FSTL4: variants seen among roughly 807,000 people sequenced by gnomAD.
The protein encoded by FSTL4 is follistatin like 4.
FSTL4 carries 28 observed loss-of-function variants against 78.2 expected under a neutral mutation model. The ratio of observed to expected loss-of-function variants is 0.36; its 90% CI spans 0.27 to 0.49. The LOEUF (loss-of-function observed/expected upper bound fraction) is 0.49. Ranked by LOEUF, FSTL4 falls within the 20% of genes least tolerant of loss-of-function variation. The pLI is 0.98. For missense variants in FSTL4, 922 were observed against 1,084.9 expected, an observed-to-expected ratio of 0.85 and a Z score of 2.11; for synonymous variants, 422 against 440.5, an observed-to-expected ratio of 0.96 and a Z score of 0.53.
At chr5:133,729,035 G>T in the FSTL4 span, among the ~76,000 whole-genome samples, 5 of 152,054 alleles carry the variant, frequency 3.3e-5, no homozygotes, top group African/African-American at 1.2e-4. Context: ...ACATTCCAAG[G>T]CCAGGAGACA....
At chr5:133,504,416 A>G (rs2112881045) in intron 3 of FSTL4, among the ~76,000 whole-genome samples, 1 of 152,228 alleles carries the variant, frequency 6.6e-6, no homozygotes, top group South Asian at 2.1e-4. Flanking sequence ...CCAAACCACA[A>G]GTGTTGCTCT....
chr5:133,638,593 A>G, the FSTL4 span, among the ~76,000 whole-genome samples: 1 of 152,050 alleles, frequency 6.6e-6, no homozygotes, highest in East Asian at 1.9e-4. Flanking sequence ...CTGCTTCTCA[A>G]TGAAGCCTTT....
In FSTL4 at chr5:133,225,828, G is replaced by A. The variant is rs1751311122; in HGVS notation, c.1016-9C>T. 2 of 1,558,218 alleles carry A rather than the reference G, an allele frequency of 1.3e-6. No homozygotes were observed. The highest frequency in any genetic ancestry group is 1.4e-5 in the African/African-American group (1 of 73,540). Reference sequence around the variant, plus strand: ...ACGGATGACTGGCGGCACTGTGGGTGAGAGTCAGTGCTGGTGAGAAAGAGA... The same window carrying A: ...ACGGATGACTGGCGGCACTGTGGGTAAGAGTCAGTGCTGGTGAGAAAGAGA... On this transcript the variant is annotated splice_polypyrimidine_tract_variant and intron_variant, in intron 8 of 15. Transcript: ENST00000265342. This position sits in a 1 kb window ranked among gnomAD's most constrained non-coding sequence, Gnocchi z 4.6.
chr5:133,358,349 C>A (rs1052330981), intron 4 of FSTL4, among the ~76,000 whole-genome samples: 1 of 152,082 alleles, frequency 6.6e-6, no homozygotes, highest in African/African-American at 2.4e-5. Flanking sequence ...CAATTCAGCC[C>A]GTCAGCTCCC....
At chr5:133,247,377 T>C (rs1211594540) in intron 7 of FSTL4, 1 of 152,268 alleles carries the variant, frequency 6.6e-6, no homozygotes, top group Non-Finnish European at 1.5e-5. Context: ...AATTAACTGA[T>C]GGCAAGTACA....
chr5:133,360,403 T>C lies in FSTL4; in HGVS notation c.409+40335A>G, dbSNP rs536724508. ...CAGAATCTAAGTCTGAAAATATTCC[T>C]GCTTCAAATCTTAAGTTAAAAAACA... On this transcript the variant is annotated intron_variant, in intron 4 of 15. Transcript: ENST00000265342. Among the ~76,000 whole-genome samples, 15 of 152,252 alleles carry C rather than the reference T, an allele frequency of 9.9e-5. No individual in the cohort carries two copies. In the South Asian group the frequency reaches 1.5e-3, roughly 15 times the overall value.
chr5:133,470,029 CCTT>C (rs1258161296), intron 3 of FSTL4, among the ~76,000 whole-genome samples: 1 of 152,116 alleles, frequency 6.6e-6, no homozygotes, highest in Non-Finnish European at 1.5e-5. Flanking sequence ...GGTGTTAGCA[CCTT>C]CCATACTCTG....
chr5:133,832,482 T>A, the FSTL4 span, among the ~76,000 whole-genome samples: 1 of 152,204 alleles, frequency 6.6e-6, no homozygotes, highest in African/African-American at 2.4e-5. Context: ...CGAAGGCAAT[T>A]CAGGCTTTTA....
intron 2 of FSTL4, among the ~76,000 whole-genome samples, chr5:133,601,758 T>C (rs1760875458): frequency 6.6e-6 from 1 of 151,726 alleles, no homozygotes; most frequent in Non-Finnish European, 1.5e-5. Context: ...TCATGGCTTG[T>C]TGCAGCCTTG....
At chr5:133,593,674 C>T (rs1287180639) in intron 2 of FSTL4, among the ~76,000 whole-genome samples, 2 of 152,238 alleles carry the variant, frequency 1.3e-5, no homozygotes, top group African/African-American at 2.4e-5. Flanking sequence ...GTGGGGAATC[C>T]GGGAGGCAGA....
intron 2 of FSTL4, among the ~76,000 whole-genome samples, chr5:133,579,236 A>G (rs1468129944): frequency 6.6e-6 from 1 of 152,240 alleles, no homozygotes; most frequent in African/African-American, 2.4e-5. Flanking sequence ...CGTAGGCCCT[A>G]AACACATTCT....
the FSTL4 span, among the ~76,000 whole-genome samples, chr5:133,782,897 G>T: frequency 7.8e-4 from 119 of 152,290 alleles, no homozygotes; most frequent in African/African-American, 2.7e-3. Context: ...ACCTCACGCT[G>T]CTCTATGGGA....
intron 10 of FSTL4, 27 bp from the exon 11 acceptor site, chr5:133,224,243 A>C: frequency 6.2e-7 from 1 of 1,603,806 alleles, no homozygotes; most frequent in South Asian, 1.1e-5. Flanking sequence ...TGAGGAAAGC[A>C]GGAGTGTGAT....
chr5:133,677,556 T>C, the FSTL4 span, among the ~76,000 whole-genome samples: 1 of 152,224 alleles, frequency 6.6e-6, no homozygotes, highest in Non-Finnish European at 1.5e-5. Flanking sequence ...TAAAAATGTA[T>C]CCTGCAAGTG....
At chr5:133,213,930 G>T (rs1339569754) in intron 13 of FSTL4, among the ~76,000 whole-genome samples, 1 of 152,052 alleles carries the variant, frequency 6.6e-6, no homozygotes, top group Non-Finnish European at 1.5e-5. Context: ...ATGAGAAAAC[G>T]AATTAAAATA....
At chr5:133,724,690 G>A in the FSTL4 span, among the ~76,000 whole-genome samples, 11 of 152,196 alleles carry the variant, frequency 7.2e-5, no homozygotes, top group Non-Finnish European at 1.6e-4. Context: ...TTCCTTAACA[G>A]TATCTTTAAA....
Position 133,220,882 on chromosome 5 carries a change from G to T in FSTL4, c.1340-16C>A. 1 of 1,447,496 alleles carries T rather than the reference G, an allele frequency of 6.9e-7. No individual in the cohort carries two copies. The highest frequency in any genetic ancestry group is 9.7e-7 in the Non-Finnish European group (1 of 1,027,944). The allele number at this position is 1,447,496 out of a possible 1,614,324, so 89.7% of individuals were successfully genotyped here. A position where few individuals can be genotyped will look rare whatever the true frequency, so the allele number is the denominator to read the frequency against. The stretch of plus-strand genomic sequence containing the variant: ...ACGCTGAGGCCTGGGAGGAGCAAAT[G>T]GAATGGGCATGCCCTCCAAGCAGTC... On this transcript the variant is annotated splice_polypyrimidine_tract_variant and intron_variant, in intron 11 of 15. Coordinates refer to ENST00000265342, the MANE Select transcript of FSTL4 (RefSeq NM_015082.2).
the FSTL4 span, among the ~76,000 whole-genome samples, chr5:133,740,467 T>C: frequency 6.6e-6 from 1 of 151,956 alleles, no homozygotes; most frequent in South Asian, 2.1e-4. Flanking sequence ...CCGCCCCCAC[T>C]CCTCACCGCA....
chr5:133,742,693 G>A, the FSTL4 span, among the ~76,000 whole-genome samples: 3 of 152,162 alleles, frequency 2.0e-5, no homozygotes, highest in African/African-American at 7.2e-5. Context: ...GGCAGAACAA[G>A]CTACTGAAAA....
Sources: allele counts gnomAD v4.1 joint callset (sites outside exome capture counted in the v4.1 genomes callset), GRCh38; gene constraint gnomAD v4.1.1; non-coding constraint Gnocchi (gnomAD v3.1); transcripts MANE v1.5; gene names NCBI Gene and HGNC (gene_info 2026-07-23, HGNC 2026-07-21).